The following MLLT3 variants were observed in gnomAD, a reference collection of about 807,000 sequenced individuals.
The protein encoded by MLLT3 is protein AF-9.
A neutral mutation model predicts 53.2 loss-of-function variants in MLLT3; 4 were observed. The observed-to-expected ratio is 0.08, with a 90% confidence interval of 0.04 to 0.17. MLLT3 has a LOEUF of 0.17. Ranked by LOEUF, MLLT3 falls within the 10% of genes least tolerant of loss-of-function variation. The pLI is 1.00. For synonymous variants in MLLT3, 283 were observed against 230.6 expected (o/e 1.23, Z -2.06); for missense variants, 569 against 684.0 (o/e 0.83, Z 1.87).
chr9:20,513,078 G>C (rs1165716100), intron 2 of MLLT3, among the ~76,000 whole-genome samples: 1 of 152,226 alleles, frequency 6.6e-6, no homozygotes, highest in Non-Finnish European at 1.5e-5. Context: ...ATAAATTCTA[G>C]TCTTGCCCTG....
chr9:20,587,878 G>A (rs1820016919), intron 2 of MLLT3, among the ~76,000 whole-genome samples: 1 of 152,236 alleles, frequency 6.6e-6, no homozygotes, highest in East Asian at 1.9e-4. Flanking sequence ...GGCTTTTGTT[G>A]ACATTGCTTT....
chr9:20,578,133 T>C (rs1344366954), intron 2 of MLLT3, among the ~76,000 whole-genome samples: 1 of 152,190 alleles, frequency 6.6e-6, no homozygotes, highest in Non-Finnish European at 1.5e-5. Flanking sequence ...GCTGGCATGA[T>C]AGAAGAGATA....
In MLLT3 at chr9:20,343,429, T is replaced by C. The variant is rs546312523; in HGVS notation, c.*3014A>G. The C allele has an allele frequency of 9.1e-6, 2 of 220,032 alleles. No homozygotes were observed. Among genetic ancestry groups the C allele is most frequent in the Non-Finnish European group, 1.8e-5 (2 of 109,902 alleles). The allele number at this position is 220,032 out of a possible 1,614,324, so 13.6% of individuals were successfully genotyped here. A position where few individuals can be genotyped will look rare whatever the true frequency, so the allele number is the denominator to read the frequency against. On this transcript the variant is annotated 3_prime_UTR_variant, in exon 11 of 11. Coordinates refer to ENST00000380338, the MANE Select transcript of MLLT3 (RefSeq NM_004529.4). ...TTATAGACATACCTATTTGTCTGTA[T>C]TAAGATTGAGAGAGAGGCAGATTAT...
intron 2 of MLLT3, among the ~76,000 whole-genome samples, chr9:20,516,082 A>G (rs550169238): frequency 1.3e-5 from 2 of 152,236 alleles, no homozygotes; most frequent in South Asian, 4.2e-4. Flanking sequence ...TCAGCCATAA[A>G]CCCCAGACCC....
At chr9:20,539,538 G>A (rs1396135322) in intron 2 of MLLT3, among the ~76,000 whole-genome samples, 1 of 152,156 alleles carries the variant, frequency 6.6e-6, no homozygotes, top group Non-Finnish European at 1.5e-5. Context: ...GAGAGAACAA[G>A]GGGAGAAGTG....
At chr9:20,601,330 T>TA (rs763570514) in intron 2 of MLLT3, among the ~76,000 whole-genome samples, 3 of 152,160 alleles carry the variant, frequency 2.0e-5, no homozygotes, top group Non-Finnish European at 4.4e-5. Context: ...TGCGTGTTTC[T>TA]AAAAAAACAC....
intron 2 of MLLT3, among the ~76,000 whole-genome samples, chr9:20,478,739 G>A (rs1330823152): frequency 6.6e-6 from 1 of 152,108 alleles, no homozygotes; most frequent in Non-Finnish European, 1.5e-5. Flanking sequence ...TTTTAACCTC[G>A]GAGCTTTCCT....
At chr9:20,439,950 C>A (rs916543657) in intron 4 of MLLT3, among the ~76,000 whole-genome samples, 6 of 152,088 alleles carry the variant, frequency 3.9e-5, no homozygotes, top group Non-Finnish European at 5.9e-5. Context: ...AAAATATGTT[C>A]TTTCTGGTAG....
intron 2 of MLLT3, among the ~76,000 whole-genome samples, chr9:20,475,385 TTG>T (rs1295783407): frequency 6.6e-6 from 1 of 152,110 alleles, no homozygotes; most frequent in East Asian, 1.9e-4. Context: ...ATCTCCCCTC[TTG>T]GAAGCTGTCC....
At chr9:20,551,966 T>C (rs750855998) in intron 2 of MLLT3, among the ~76,000 whole-genome samples, 2 of 152,150 alleles carry the variant, frequency 1.3e-5, no homozygotes, top group Non-Finnish European at 2.9e-5. Context: ...TCTGATAAAA[T>C]CAACAATTAC....
intron 7 of MLLT3, 120 bp from the exon 8 acceptor site, chr9:20,360,961 C>A: frequency 1.3e-6 from 1 of 796,082 alleles, no homozygotes; most frequent in Non-Finnish European, 2.1e-6. Context: ...TTCATTTTAA[C>A]TCACAGCCGC....
At chr9:20,493,011 T>A (rs1263020317) in intron 2 of MLLT3, among the ~76,000 whole-genome samples, 2 of 152,046 alleles carry the variant, frequency 1.3e-5, no homozygotes, top group East Asian at 3.9e-4. Context: ...GACTGAATTG[T>A]GCACCCGTTT....
In MLLT3 at chr9:20,346,003, C is replaced by T; in HGVS notation, c.*440G>A. 4.3e-6 allele frequency: 1 copy of T among 235,238 alleles called. No individual in the cohort carries two copies. The highest frequency in any genetic ancestry group is 6.1e-5 in the East Asian group (1 of 16,474). 14.6% of individuals were successfully genotyped at this position (235,238 alleles called of 1,614,324 possible). On this transcript the variant is annotated 3_prime_UTR_variant, in exon 11 of 11. Coordinates refer to ENST00000380338, the MANE Select transcript of MLLT3 (RefSeq NM_004529.4). ...TTATAATGTCTGATGGTGTCATTCC[C>T]TCAACGACTTAGAATATCTGTATGC... is the stretch of plus-strand genomic sequence containing the variant.
intron 2 of MLLT3, among the ~76,000 whole-genome samples, chr9:20,465,516 T>C (rs751835946): frequency 6.6e-6 from 1 of 152,078 alleles, no homozygotes; most frequent in African/African-American, 2.4e-5. Context: ...GTGATAGAAA[T>C]GGCAATGTGT....
At chr9:20,404,573 T>C (rs958021821) in intron 5 of MLLT3, among the ~76,000 whole-genome samples, 1 of 152,222 alleles carries the variant, frequency 6.6e-6, no homozygotes, top group Admixed American at 6.5e-5. Context: ...GATGTGATCA[T>C]AGCTCACTGC....
chr9:20,518,398 T>A (rs1817970938), intron 2 of MLLT3, among the ~76,000 whole-genome samples: 1 of 151,894 alleles, frequency 6.6e-6, no homozygotes, highest in Non-Finnish European at 1.5e-5. Context: ...TACAGAAAAA[T>A]TATAATTAAC....
intron 2 of MLLT3, among the ~76,000 whole-genome samples, chr9:20,562,155 A>G (rs1271036580): frequency 6.6e-6 from 1 of 152,144 alleles, no homozygotes; most frequent in African/African-American, 2.4e-5. Flanking sequence ...AATGCAAGTT[A>G]TGCTTGTGAA....
intron 2 of MLLT3, among the ~76,000 whole-genome samples, chr9:20,611,239 G>A (rs1242157898): frequency 1.3e-5 from 2 of 152,054 alleles, no homozygotes; most frequent in African/African-American, 4.8e-5. Flanking sequence ...CATCCTTGGA[G>A]GGAGGCAGGG....
At chr9:20,428,718 A>G (rs1048092721) in intron 4 of MLLT3, among the ~76,000 whole-genome samples, 1 of 152,154 alleles carries the variant, frequency 6.6e-6, no homozygotes, top group South Asian at 2.1e-4. Context: ...TTTGAAAAGA[A>G]CTAATAAAAT....
Sources: gnomAD v4.1 joint callset for allele counts (sites outside exome capture counted in the v4.1 genomes callset) on GRCh38, gnomAD v4.1.1 for gene constraint, MANE v1.5 for transcripts, NCBI Gene and HGNC (gene_info 2026-07-23, HGNC 2026-07-21) for gene names.